Variants in KLHL26 observed in about 807,000 individuals in gnomAD.
KLHL26 encodes kelch like family member 26, also known as kelch-like protein 26.
KLHL26 carries 4 observed loss-of-function variants against 7.1 expected under a neutral mutation model. That is an observed-to-expected ratio of 0.56 (90% CI 0.28 to 1.28). The LOEUF (loss-of-function observed/expected upper bound fraction) is 1.28. Ranked by LOEUF, KLHL26 falls within the 50% of genes most tolerant of loss-of-function variation. KLHL26 has a pLI of 0.11. For synonymous variants in KLHL26, 465 were observed against 414.1 expected, an observed-to-expected ratio of 1.12 and a Z score of -1.49; for missense variants, 896 against 924.6, an observed-to-expected ratio of 0.97 and a Z score of 0.40.
At chr19:18,652,675 C>G (rs1214705519) in intron 1 of KLHL26, among the ~76,000 whole-genome samples, 2 of 152,156 alleles carry the variant, frequency 1.3e-5, no homozygotes, top group East Asian at 3.9e-4. Context: ...CATTCACTCA[C>G]CCTCAAACCC....
In KLHL26 at chr19:18,649,724, A is replaced by C. The variant is rs1240231073; in HGVS notation, c.83+12587A>C. 1.3e-5 allele frequency among the ~76,000 whole-genome samples: 2 copies of C among 151,924 alleles called. No homozygotes were observed. The highest frequency in any genetic ancestry group is 1.3e-4 in the Admixed American group (2 of 15,266). On this transcript the variant is annotated intron_variant, in intron 1 of 2. Coordinates refer to ENST00000300976, the MANE Select transcript of KLHL26 (RefSeq NM_018316.3). The surrounding 1 kb of genome is among the most constrained non-coding windows in gnomAD (Gnocchi z 4.0). The stretch of plus-strand genomic sequence containing the variant: ...GCAGCTGTGCGGACCAGCTCTCTTA[A>C]CACTTGTTAACCCCAGCCTCCAGTC...
At chr19:18,639,188 G>C (rs911266602) in intron 1 of KLHL26, among the ~76,000 whole-genome samples, 1 of 149,928 alleles carries the variant, frequency 6.7e-6, no homozygotes, top group Non-Finnish European at 1.5e-5. Context: ...GGATTTTCCT[G>C]CCTCAGCCTC....
rs576467146 is a variant in KLHL26, at chr19:18,650,637, G to A, written c.83+13500G>A. 2.0e-5 allele frequency among the ~76,000 whole-genome samples: 3 copies of A among 152,316 alleles called. No homozygotes were observed. The South Asian group carries it at 6.2e-4, about 32-fold the overall frequency. ...ACGTGAGTCACTTGCACAGATGACG[G>A]GTGATGTTTTCCTCGCCAAGGCTGA... On this transcript the variant is annotated intron_variant, in intron 1 of 2. Transcript: ENST00000300976. The surrounding 1 kb of genome is among the most constrained non-coding windows in gnomAD (Gnocchi z 4.2).
At chr19:18,651,271 G>A (rs1454284011) in intron 1 of KLHL26, among the ~76,000 whole-genome samples, 1 of 152,048 alleles carries the variant, frequency 6.6e-6, no homozygotes, top group Non-Finnish European at 1.5e-5. Context: ...CCAGGAAGGC[G>A]ACCCTTCATC....
chr19:18,639,459 G>A (rs34190814), intron 1 of KLHL26, among the ~76,000 whole-genome samples: 23,747 of 135,738 alleles, frequency 0.17, 2,898 homozygotes, highest in East Asian at 0.52. Context: ...GCCCAGGCTG[G>A]AGTGCAGTAG....
chr19:18,642,338 A>AGTATGTGTGTGTGTGTGTGTGT (rs1362401503), intron 1 of KLHL26, among the ~76,000 whole-genome samples: 1 of 123,804 alleles, frequency 8.1e-6, no homozygotes, highest in African/African-American at 3.3e-5. Context: ...CTAGTCACCT[A>AGTATGTGTGTGTGTGTGTGTGT]GTGTGTGTGT....
intron 2 of KLHL26, among the ~76,000 whole-genome samples, chr19:18,667,130 G>A (rs2052455901): frequency 6.6e-6 from 1 of 151,764 alleles, no homozygotes; most frequent in Non-Finnish European, 1.5e-5. Context: ...CATGGCTTGG[G>A]TGGATTCAAA....
chr19:18,666,540 C>T (rs1488611623), intron 2 of KLHL26, among the ~76,000 whole-genome samples: 4 of 152,208 alleles, frequency 2.6e-5, no homozygotes, highest in African/African-American at 4.8e-5. Context: ...TGTGCCTCCC[C>T]GCTGCCCTCC....
chr19:18,652,240 G>A (rs2052266949), intron 1 of KLHL26, among the ~76,000 whole-genome samples: 1 of 152,116 alleles, frequency 6.6e-6, no homozygotes. Flanking sequence ...ACATACACTA[G>A]GACTCGGGCC....
In KLHL26 at chr19:18,668,075, G is replaced by A. The variant is rs1268492099; in HGVS notation, c.678G>A (p.Leu226=). Residue 226 remains leucine, a synonymous_variant, in exon 3 of 3, where the codon CTG becomes CTA. Transcript: ENST00000300976. ...TGCAGAGCTGTGCCGAGATCGACCT[G>A]TTCCGCGCGGCCGTCCGCTGGCTGC... ...NRLQSCAEID[L]FRAAVRWLQH... The A allele has an allele frequency of 6.2e-7, 1 of 1,606,192 alleles. No individual in the cohort carries two copies. Among genetic ancestry groups the A allele is most frequent in the East Asian group, 2.2e-5 (1 of 44,878 alleles).
chr19:18,671,653 A>G lies in KLHL26; in HGVS notation c.*2408A>G, dbSNP rs1459080177. 8.8e-6 allele frequency: 1 copy of G among 113,282 alleles called. No homozygotes were observed. Among genetic ancestry groups the G allele is most frequent in the Non-Finnish European group, 1.8e-5 (1 of 55,538 alleles). The allele number at this position is 113,282 out of a possible 1,614,324, so 7.0% of individuals were successfully genotyped here. On this transcript the variant is annotated 3_prime_UTR_variant, in exon 3 of 3. Coordinates refer to ENST00000300976, the MANE Select transcript of KLHL26 (RefSeq NM_018316.3). ...CCTCAGCCTCCCCCCGCATCCCCCCAAGAAAGGAAAATTATTTTTCGTATT... is the reference window on the plus strand; with the variant it reads ...CCTCAGCCTCCCCCCGCATCCCCCCGAGAAAGGAAAATTATTTTTCGTATT...
chr19:18,653,484 C>A (rs2052284366), intron 1 of KLHL26, among the ~76,000 whole-genome samples: 1 of 135,332 alleles, frequency 7.4e-6, no homozygotes, highest in Non-Finnish European at 1.6e-5. Flanking sequence ...ACCCACCTAC[C>A]CATGCCACCC....
chr19:18,665,055 G>GT (rs1454934428), intron 2 of KLHL26, among the ~76,000 whole-genome samples: 1 of 148,942 alleles, frequency 6.7e-6, no homozygotes, highest in Non-Finnish European at 1.5e-5. Flanking sequence ...TTTTTGATCT[G>GT]TTTTGTTTTT....
At chr19:18,637,729 G>T (rs992863944) in intron 1 of KLHL26, among the ~76,000 whole-genome samples, 3 of 151,568 alleles carry the variant, frequency 2.0e-5, no homozygotes, top group Admixed American at 6.6e-5. Context: ...GGGAACCTGA[G>T]GGGGGTGAGA....
chr19:18,649,959 T>C lies in KLHL26; in HGVS notation c.83+12822T>C, dbSNP rs535649360. Among the ~76,000 whole-genome samples, 3 of 152,308 alleles carry C rather than the reference T, an allele frequency of 2.0e-5. No homozygotes were observed. The highest frequency in any genetic ancestry group is 3.9e-4 in the East Asian group (2 of 5,192). On this transcript the variant is annotated intron_variant, in intron 1 of 2. Coordinates refer to ENST00000300976, the MANE Select transcript of KLHL26 (RefSeq NM_018316.3). The surrounding 1 kb of genome is among the most constrained non-coding windows in gnomAD (Gnocchi z 4.0). ...CTGTGTGCACCACCACGGTGCACAC[T>C]GAAAATATTGTGATCTGGGAGGAAG...
intron 1 of KLHL26, among the ~76,000 whole-genome samples, chr19:18,660,960 C>T (rs1375860621): frequency 6.6e-6 from 1 of 152,198 alleles, no homozygotes; most frequent in Non-Finnish European, 1.5e-5. Context: ...TGGGCCTCAC[C>T]CTGCTTTCTG....
intron 1 of KLHL26, among the ~76,000 whole-genome samples, chr19:18,644,438 C>T (rs566128203): frequency 1.3e-5 from 2 of 152,240 alleles, no homozygotes; most frequent in South Asian, 2.1e-4. Context: ...ATTGCTGGGG[C>T]GCATGCTTGT....
rs2052496176 is a variant in KLHL26, at chr19:18,669,090, G to A, written c.1693G>A (p.Gly565Arg). The change falls in exon 3 of 3, where the codon GGG becomes AGG. Residue 565 changes from glycine to arginine, a missense_variant. By Grantham distance (125) the Gly-to-Arg change is moderately radical (BLOSUM62 -2). Coordinates refer to ENST00000300976, the MANE Select transcript of KLHL26 (RefSeq NM_018316.3). ...GCTGGAGAGGAAGATCTACATCGTC[G>A]GGGGCTACAACTGGCGTCTCAACAA... Reference protein sequence around the residue: ...CLLERKIYIVGGYNWRLNNVT... With the variant: ...CLLERKIYIVRGYNWRLNNVT... The A allele has an allele frequency of 1.9e-6, 3 of 1,612,760 alleles. No homozygotes were observed. Among genetic ancestry groups the A allele is most frequent in the Non-Finnish European group, 2.5e-6 (3 of 1,179,962 alleles).
Position 18,649,647 on chromosome 19 carries a change from C to T in KLHL26, c.83+12510C>T, listed in dbSNP as rs957058583. Among the ~76,000 whole-genome samples the T allele has an allele frequency of 1.3e-5, 2 of 152,242 alleles. No homozygotes were observed. Among genetic ancestry groups the T allele is most frequent in the Non-Finnish European group, 2.9e-5 (2 of 68,046 alleles). On this transcript the variant is annotated intron_variant, in intron 1 of 2. Transcript: ENST00000300976. The surrounding 1 kb of genome is among the most constrained non-coding windows in gnomAD (Gnocchi z 4.0). ...CTGAAGTGGAAGTGGGGGCCAAGCCCGCTGGGTTCCCGCTGCCGGCAGCCC... is the reference window on the plus strand; with the variant it reads ...CTGAAGTGGAAGTGGGGGCCAAGCCTGCTGGGTTCCCGCTGCCGGCAGCCC...
Sources: gnomAD v4.1 joint callset for allele counts (sites outside exome capture counted in the v4.1 genomes callset) on GRCh38, gnomAD v4.1.1 for gene constraint, Gnocchi (gnomAD v3.1) non-coding constraint, MANE v1.5 for transcripts, NCBI Gene and HGNC (gene_info 2026-07-23, HGNC 2026-07-21) for gene names.